Variants in RUNX1 observed in about 807,000 individuals in gnomAD.
RUNX1 encodes the protein RUNX family transcription factor 1, also known as runt-related transcription factor 1.
RUNX1 carries 19 observed loss-of-function variants against 42.8 expected under a neutral mutation model. The ratio of observed to expected loss-of-function variants is 0.44; its 90% CI spans 0.31 to 0.65. The LOEUF (loss-of-function observed/expected upper bound fraction) is 0.65, where lower values mean the gene tolerates loss of function less well. Ranked by LOEUF, RUNX1 falls within the 30% of genes least tolerant of loss-of-function variation. The pLI, the probability that RUNX1 is intolerant of heterozygous loss-of-function variation, is 0.07. For synonymous variants in RUNX1, 271 were observed against 289.4 expected (o/e 0.94, Z 0.64); for missense variants, 528 against 672.0 (o/e 0.79, Z 2.37).
chr21:34,973,502 T>C (rs1159286048), intron 2 of RUNX1, among the ~76,000 whole-genome samples: 1 of 152,254 alleles, frequency 6.6e-6, no homozygotes, highest in Non-Finnish European at 1.5e-5. Flanking sequence ...TAAGAGGCCA[T>C]TTATTTTCTC....
intron 2 of RUNX1, among the ~76,000 whole-genome samples, chr21:34,930,289 T>TATATATATAA (rs1555906453): frequency 6.6e-5 from 9 of 137,348 alleles, no homozygotes; most frequent in African/African-American, 2.5e-4. Flanking sequence ...TATATATATA[T>TATATATATAA]ATAAATAAAT....
intron 2 of RUNX1, among the ~76,000 whole-genome samples, chr21:34,943,176 T>A (rs555866778): frequency 9.8e-4 from 149 of 152,334 alleles, no homozygotes; most frequent in Admixed American, 1.8e-3. Flanking sequence ...GAAAACAAAC[T>A]AATTTCATTC....
At chr21:35,000,441 C>T (rs182602125) in intron 2 of RUNX1, among the ~76,000 whole-genome samples, 20 of 152,066 alleles carry the variant, frequency 1.3e-4, no homozygotes, top group South Asian at 6.2e-4. Context: ...GGGGTTTCAC[C>T]GTGTTAGCCA....
chr21:34,811,651 AC>A (rs950220602), intron 7 of RUNX1, among the ~76,000 whole-genome samples: 1 of 152,120 alleles, frequency 6.6e-6, no homozygotes, highest in African/African-American at 2.4e-5. Flanking sequence ...GGGCCTTGCC[AC>A]CCCAGTTGTT....
chr21:34,993,225 T>A (rs962588014), intron 2 of RUNX1, among the ~76,000 whole-genome samples: 2 of 152,302 alleles, frequency 1.3e-5, no homozygotes, highest in East Asian at 3.9e-4. Context: ...CTAATCTATA[T>A]GCCTTAGCGA....
At chr21:34,960,459 T>C (rs112236567) in intron 2 of RUNX1, among the ~76,000 whole-genome samples, 1 of 152,218 alleles carries the variant, frequency 6.6e-6, no homozygotes, top group East Asian at 1.9e-4. Context: ...CTTGGGTCAC[T>C]GAATCTGATT....
At chr21:35,005,980 G>A (rs954387621) in intron 2 of RUNX1, among the ~76,000 whole-genome samples, 5 of 152,172 alleles carry the variant, frequency 3.3e-5, no homozygotes, top group African/African-American at 4.8e-5. Flanking sequence ...TATGGATGAC[G>A]TCTTCACAGC....
chr21:34,868,945 T>G (rs1450561975), intron 5 of RUNX1, among the ~76,000 whole-genome samples: 1 of 152,182 alleles, frequency 6.6e-6, no homozygotes, highest in African/African-American at 2.4e-5. Context: ...GTACTATATT[T>G]CCATCACAGG....
intron 2 of RUNX1, among the ~76,000 whole-genome samples, chr21:34,975,916 A>T (rs1053533794): frequency 6.6e-6 from 1 of 152,152 alleles, no homozygotes; most frequent in Non-Finnish European, 1.5e-5. Context: ...AATTTTGGAA[A>T]GATGGATTGA....
chr21:34,890,788 G>A (rs2146445223), intron 3 of RUNX1, among the ~76,000 whole-genome samples: 1 of 128,426 alleles, frequency 7.8e-6, no homozygotes, highest in East Asian at 2.4e-4. Context: ...TGCATCGCGC[G>A]CGCCCGCCCG....
intron 2 of RUNX1, among the ~76,000 whole-genome samples, chr21:34,902,591 C>T (rs1248258268): frequency 6.6e-6 from 1 of 152,088 alleles, no homozygotes; most frequent in Non-Finnish European, 1.5e-5. Context: ...ACTCAGATTC[C>T]AAATTCAAAA....
intron 2 of RUNX1, among the ~76,000 whole-genome samples, chr21:35,009,244 T>C (rs2059107640): frequency 6.6e-6 from 1 of 152,236 alleles, no homozygotes. Context: ...AACTCTCTGC[T>C]AGATCACGTG....
intron 7 of RUNX1, among the ~76,000 whole-genome samples, chr21:34,812,841 G>A (rs747465038): frequency 4.6e-5 from 7 of 152,116 alleles, no homozygotes; most frequent in Non-Finnish European, 1.0e-4. Context: ...CTAAAATGGA[G>A]TAATTTTTTT....
At chr21:34,931,619 G>A (rs2058448100) in intron 2 of RUNX1, among the ~76,000 whole-genome samples, 1 of 124,162 alleles carries the variant, frequency 8.1e-6, no homozygotes, top group African/African-American at 4.6e-5. Context: ...ATGACTAGAG[G>A]AGGGATGGCC....
At chr21:34,913,093 G>A (rs1413801349) in intron 2 of RUNX1, among the ~76,000 whole-genome samples, 1 of 152,128 alleles carries the variant, frequency 6.6e-6, no homozygotes, top group Non-Finnish European at 1.5e-5. Flanking sequence ...TTAGCTGGGG[G>A]TGGTGGTGGG....
At chr21:34,971,566 C>T (rs557371265) in intron 2 of RUNX1, among the ~76,000 whole-genome samples, 37 of 152,158 alleles carry the variant, frequency 2.4e-4, no homozygotes, top group African/African-American at 8.7e-4. Context: ...CTATCTTATC[C>T]ACCCACCCTT....
intron 6 of RUNX1, among the ~76,000 whole-genome samples, chr21:34,841,406 G>A (rs1048754617): frequency 3.3e-5 from 5 of 152,254 alleles, no homozygotes; most frequent in African/African-American, 1.2e-4. Context: ...TCTTGTGGGT[G>A]GTAACAGGAA....
intron 6 of RUNX1, chr21:34,856,359 A>C (rs1038954734): frequency 2.9e-5 from 15 of 518,918 alleles, no homozygotes; most frequent in African/African-American, 2.7e-4. Context: ...TATAATAGAC[A>C]GTCTTCGAGA....
At chr21:34,917,440 T>C (rs747874188) in intron 2 of RUNX1, among the ~76,000 whole-genome samples, 5 of 152,156 alleles carry the variant, frequency 3.3e-5, no homozygotes, top group Admixed American at 2.0e-4. Context: ...ACAAAAAGAA[T>C]TGGAATTCTG....
Sources: allele counts gnomAD v4.1 joint callset (sites outside exome capture counted in the v4.1 genomes callset), GRCh38; gene constraint gnomAD v4.1.1; transcripts MANE v1.5; gene names NCBI Gene and HGNC (gene_info 2026-07-23, HGNC 2026-07-21).